Variants in WWOX observed in about 807,000 individuals in gnomAD.
WWOX encodes WW domain containing oxidoreductase.
Under a neutral mutation model 46.2 loss-of-function variants are expected in WWOX, and 69 were observed. The observed-to-expected ratio is 1.49, with a 90% CI of 1.23 to 1.82. The LOEUF is 1.82. Ranked by LOEUF, WWOX falls within the 40% of genes most tolerant of loss-of-function variation. The probability of loss-of-function intolerance (pLI) is 0.00; values close to 1 mark genes in which losing one functional copy is unlikely to be tolerated. For missense variants in WWOX, 919 were observed against 542.6 expected (o/e 1.69, Z -6.89); for synonymous variants, 359 against 202.6 (o/e 1.77, Z -6.56).
chr16:78,163,947 C>G (rs1469802347), intron 4 of WWOX, among the ~76,000 whole-genome samples: 2 of 152,086 alleles, frequency 1.3e-5, no homozygotes, highest in Non-Finnish European at 2.9e-5. Flanking sequence ...CTGCCCTGTT[C>G]ATGGTAAGAT....
At chr16:78,499,705 AT>A (rs1245223422) in intron 8 of WWOX, among the ~76,000 whole-genome samples, 1 of 151,786 alleles carries the variant, frequency 6.6e-6, no homozygotes, top group Non-Finnish European at 1.5e-5. Flanking sequence ...ACCATGTCTT[AT>A]TTTTTTTAAT....
At chr16:79,008,283 C>G (rs1490876349) in intron 8 of WWOX, among the ~76,000 whole-genome samples, 2 of 152,174 alleles carry the variant, frequency 1.3e-5, no homozygotes, top group South Asian at 2.1e-4. Context: ...CCCCCATGCT[C>G]TGAGTCACTC....
intron 5 of WWOX, among the ~76,000 whole-genome samples, chr16:78,336,120 G>A (rs13337436): frequency 0.072 from 10,876 of 151,558 alleles, 1,144 homozygotes; most frequent in African/African-American, 0.23. Context: ...AAAACCAAAA[G>A]ACTAAATGTA....
chr16:78,735,302 C>T (rs990286007), intron 8 of WWOX, among the ~76,000 whole-genome samples: 6 of 150,062 alleles, frequency 4.0e-5, no homozygotes, highest in African/African-American at 1.5e-4. Flanking sequence ...GATCTTGAGA[C>T]TTTTTCTTAT....
intron 8 of WWOX, among the ~76,000 whole-genome samples, chr16:78,637,698 A>G (rs2046608003): frequency 6.6e-6 from 1 of 152,216 alleles, no homozygotes; most frequent in Non-Finnish European, 1.5e-5. Context: ...CTAAGCGCGG[A>G]GTAGGTGCTT....
chr16:78,291,539 G>A (rs2079857294), intron 5 of WWOX, among the ~76,000 whole-genome samples: 1 of 152,260 alleles, frequency 6.6e-6, no homozygotes, highest in African/African-American at 2.4e-5. Flanking sequence ...AACTGCAGAG[G>A]TTTCTTATTA....
At chr16:78,545,343 G>A (rs1014837403) in intron 8 of WWOX, among the ~76,000 whole-genome samples, 1 of 151,950 alleles carries the variant, frequency 6.6e-6, no homozygotes, top group Non-Finnish European at 1.5e-5. Context: ...GCTCCTCGTG[G>A]GATATATTGA....
Position 78,635,730 on chromosome 16 carries a change from G to A in WWOX, c.1056+202978G>A, listed in dbSNP as rs117840502. ...CATCATCTCCGTCCACATCAATGTCGTCATCGTCCTTATGAAAAGCCCTGG... is the reference window on the plus strand; with the variant it reads ...CATCATCTCCGTCCACATCAATGTCATCATCGTCCTTATGAAAAGCCCTGG... On this transcript the variant is annotated intron_variant, in intron 8 of 8. Coordinates refer to ENST00000566780, the MANE Select transcript of WWOX (RefSeq NM_016373.4). Among the ~76,000 whole-genome samples the A allele has an allele frequency of 8.5e-4, 130 of 152,194 alleles. 1 individual carries two copies. In the East Asian group the frequency reaches 0.02, roughly 24 times the overall value.
chr16:78,689,371 C>G (rs902508033), intron 8 of WWOX, among the ~76,000 whole-genome samples: 1 of 152,214 alleles, frequency 6.6e-6, no homozygotes, highest in Admixed American at 6.5e-5. Flanking sequence ...TTAAGAAACT[C>G]TGGCTGAGTC....
chr16:78,554,468 G>T (rs2044242603), intron 8 of WWOX, among the ~76,000 whole-genome samples: 1 of 152,160 alleles, frequency 6.6e-6, no homozygotes, highest in African/African-American at 2.4e-5. Context: ...TCTGGCTGAT[G>T]GGTTGGTAGA....
chr16:78,373,565 A>C (rs1288741840), intron 5 of WWOX, among the ~76,000 whole-genome samples: 2 of 152,138 alleles, frequency 1.3e-5, no homozygotes, highest in African/African-American at 4.8e-5. Flanking sequence ...ATGCTGTGGA[A>C]AGAGGAGAAG....
chr16:78,727,963 T>A (rs1473985482), intron 8 of WWOX, among the ~76,000 whole-genome samples: 1 of 151,588 alleles, frequency 6.6e-6, no homozygotes, highest in South Asian at 2.1e-4. Flanking sequence ...AAAATAGAAA[T>A]AGTCAAATTC....
intron 8 of WWOX, among the ~76,000 whole-genome samples, chr16:78,828,343 G>A (rs1388396233): frequency 6.6e-6 from 1 of 152,118 alleles, no homozygotes; most frequent in East Asian, 1.9e-4. Context: ...AGAATAGGAG[G>A]TTGGGCTGGA....
At chr16:78,753,800 TCA>T (rs1597551470) in intron 8 of WWOX, among the ~76,000 whole-genome samples, 1 of 18,386 alleles carries the variant, frequency 5.4e-5, no homozygotes, top group African/African-American at 2.9e-4. Context: ...AGACCCTATA[TCA>T]AAAAAAAAAA....
intron 8 of WWOX, among the ~76,000 whole-genome samples, chr16:78,524,165 C>T (rs895484234): frequency 3.9e-5 from 6 of 152,254 alleles, no homozygotes; most frequent in Admixed American, 3.3e-4. Context: ...CTTCTTTCTG[C>T]TCTTTTTCTC....
At chr16:78,679,454 G>T (rs1453069493) in intron 8 of WWOX, among the ~76,000 whole-genome samples, 1 of 152,212 alleles carries the variant, frequency 6.6e-6, no homozygotes, top group South Asian at 2.1e-4. Flanking sequence ...GTGAGGCTGA[G>T]GCAGGAGAGT....
At chr16:78,325,007 C>A (rs550702035) in intron 5 of WWOX, among the ~76,000 whole-genome samples, 21 of 152,308 alleles carry the variant, frequency 1.4e-4, no homozygotes, top group African/African-American at 4.3e-4. Flanking sequence ...AGGGCCCGAG[C>A]TGCTCATGGG....
chr16:78,406,333 TATATATATATATATATATATA>T lies in WWOX; in HGVS notation c.606-18536_606-18516del, dbSNP rs1567553410. 1.2e-3 allele frequency among the ~76,000 whole-genome samples: 114 copies of T among 95,670 alleles called. 1 individual carries two copies. The highest frequency in any genetic ancestry group is 9.9e-3 in the African/African-American group (109 of 10,966). The allele number at this position is 95,670 out of a possible 152,430, so 62.8% of individuals were successfully genotyped here. ...ATATATATATATATATATATATATA[TATATATATATATATATATATA>T]TTTTATTATTTTTTTTTGAGACGGA... On this transcript the variant is annotated intron_variant, in intron 6 of 8. Coordinates refer to ENST00000566780, the MANE Select transcript of WWOX (RefSeq NM_016373.4).
At chr16:79,014,387 A>C (rs2047372087) in intron 8 of WWOX, among the ~76,000 whole-genome samples, 1 of 152,140 alleles carries the variant, frequency 6.6e-6, no homozygotes, top group African/African-American at 2.4e-5. Context: ...CGAATGGAAA[A>C]ACACTGTGGA....
Sources: gnomAD v4.1 joint callset for allele counts (sites outside exome capture counted in the v4.1 genomes callset) on GRCh38, gnomAD v4.1.1 for gene constraint, MANE v1.5 for transcripts, NCBI Gene and HGNC (gene_info 2026-07-23, HGNC 2026-07-21) for gene names.